The following ST6GALNAC3 variants were observed in gnomAD, a reference collection of about 807,000 sequenced individuals.
ST6GALNAC3 encodes ST6 N-acetylgalactosaminide alpha-2,6-sialyltransferase 3.
ST6GALNAC3 carries 25 observed loss-of-function variants against 32.7 expected under a neutral mutation model. That is an observed-to-expected ratio of 0.76 (90% CI 0.56 to 1.07). ST6GALNAC3 has a LOEUF of 1.07. ST6GALNAC3 is among the 50% of genes least tolerant of loss of function. The pLI, the probability that ST6GALNAC3 is intolerant of heterozygous loss-of-function variation, is 0.00. For synonymous variants in ST6GALNAC3, 129 were observed against 133.1 expected, an observed-to-expected ratio of 0.97 and a Z score of 0.21; for missense variants, 355 against 382.4, an observed-to-expected ratio of 0.93 and a Z score of 0.60.
intron 3 of ST6GALNAC3, among the ~76,000 whole-genome samples, chr1:76,492,407 G>A (rs887949120): frequency 6.6e-6 from 1 of 151,918 alleles, no homozygotes; most frequent in Non-Finnish European, 1.5e-5. Flanking sequence ...GAAAAATATA[G>A]GTATAGTAAA....
intron 3 of ST6GALNAC3, among the ~76,000 whole-genome samples, chr1:76,524,068 A>G (rs548322366): frequency 6.6e-6 from 1 of 152,252 alleles, no homozygotes; most frequent in Admixed American, 6.5e-5. Context: ...ACCTTTAAAC[A>G]GATGATTTTT....
chr1:76,395,029 T>C (rs1652841972), intron 2 of ST6GALNAC3, among the ~76,000 whole-genome samples: 1 of 152,250 alleles, frequency 6.6e-6, no homozygotes, highest in South Asian at 2.1e-4. Context: ...CTGGTTTGAC[T>C]TAAAGTCCTC....
rs972066513 is a variant in ST6GALNAC3 at position 76,158,909 on chromosome 1, G to A, written c.18+84025G>A. 2.0e-5 allele frequency among the ~76,000 whole-genome samples: 3 copies of A among 152,298 alleles called. No homozygotes were observed. In the East Asian group the frequency reaches 5.8e-4, roughly 29 times the overall value. On this transcript the variant is annotated intron_variant, in intron 1 of 4. Coordinates refer to ENST00000328299, the MANE Select transcript of ST6GALNAC3 (RefSeq NM_152996.4). ...GATGAGCAAATGGCCATGCTTTGGGGTTTGCCCAGGGTCACAAAGCTGGCA... is the reference window on the plus strand; with the variant it reads ...GATGAGCAAATGGCCATGCTTTGGGATTTGCCCAGGGTCACAAAGCTGGCA...
chr1:76,214,118 C>A (rs1348851068), intron 1 of ST6GALNAC3, among the ~76,000 whole-genome samples: 1 of 152,122 alleles, frequency 6.6e-6, no homozygotes, highest in Non-Finnish European at 1.5e-5. Flanking sequence ...TCCTCCCTAG[C>A]CGCACAGCCC....
chr1:76,480,827 AT>A (rs1475715745), intron 3 of ST6GALNAC3, among the ~76,000 whole-genome samples: 1 of 152,118 alleles, frequency 6.6e-6, no homozygotes, highest in Admixed American at 6.6e-5. Flanking sequence ...CACAATCAAA[AT>A]GCCATATATT....
At chr1:76,384,175 G>T (rs12040892) in intron 2 of ST6GALNAC3, among the ~76,000 whole-genome samples, 1 of 151,800 alleles carries the variant, frequency 6.6e-6, no homozygotes, top group East Asian at 1.9e-4. Context: ...GCACAGAAAG[G>T]TTAAAAATAA....
chr1:76,524,889 A>C (rs1662767423), intron 3 of ST6GALNAC3, among the ~76,000 whole-genome samples: 1 of 151,940 alleles, frequency 6.6e-6, no homozygotes, highest in Non-Finnish European at 1.5e-5. Context: ...ATATATAAAA[A>C]AATTTTGTGA....
intron 1 of ST6GALNAC3, among the ~76,000 whole-genome samples, chr1:76,261,418 G>A (rs1658227080): frequency 6.6e-6 from 1 of 152,100 alleles, no homozygotes; most frequent in African/African-American, 2.4e-5. Context: ...CCCATTTTGA[G>A]TGTTGGTGAT....
At chr1:76,398,136 A>G (rs975080587) in intron 2 of ST6GALNAC3, among the ~76,000 whole-genome samples, 1 of 149,180 alleles carries the variant, frequency 6.7e-6, no homozygotes, top group African/African-American at 2.4e-5. Flanking sequence ...CCATTATTCC[A>G]CGAGATGTTA....
chr1:76,441,553 A>G (rs1217980664), intron 3 of ST6GALNAC3, among the ~76,000 whole-genome samples: 1 of 152,172 alleles, frequency 6.6e-6, no homozygotes, highest in Non-Finnish European at 1.5e-5. Flanking sequence ...CAGGCATGCA[A>G]TGTAACGTAA....
chr1:76,298,550 C>T (rs573419235), intron 1 of ST6GALNAC3, among the ~76,000 whole-genome samples: 12 of 151,980 alleles, frequency 7.9e-5, no homozygotes, highest in African/African-American at 1.7e-4. Context: ...TTTCCCTGAA[C>T]GTCAGCATAA....
intron 1 of ST6GALNAC3, among the ~76,000 whole-genome samples, chr1:76,135,336 TGTAA>T (rs1305922122): frequency 1.3e-5 from 2 of 152,244 alleles, no homozygotes; most frequent in Admixed American, 6.5e-5. Flanking sequence ...TAACTTAGTA[TGTAA>T]GTATGTTCCA....
chr1:76,232,977 C>T (rs535766411), intron 1 of ST6GALNAC3, among the ~76,000 whole-genome samples: 1 of 152,134 alleles, frequency 6.6e-6, no homozygotes, highest in Non-Finnish European at 1.5e-5. Flanking sequence ...TGTACTTAAC[C>T]TCATCAAGTC....
intron 3 of ST6GALNAC3, among the ~76,000 whole-genome samples, chr1:76,518,693 A>C (rs934005433): frequency 6.6e-6 from 1 of 152,106 alleles, no homozygotes; most frequent in Non-Finnish European, 1.5e-5. Context: ...TGTTAAAATG[A>C]TCATCAACAT....
At chr1:76,370,208 T>G (rs1218989974) in intron 2 of ST6GALNAC3, among the ~76,000 whole-genome samples, 1 of 152,114 alleles carries the variant, frequency 6.6e-6, no homozygotes, top group East Asian at 1.9e-4. Context: ...GTGTTGCAAA[T>G]AAAAATTAGT....
intron 1 of ST6GALNAC3, among the ~76,000 whole-genome samples, chr1:76,295,066 T>C (rs1406852096): frequency 2.0e-5 from 3 of 150,716 alleles, no homozygotes; most frequent in Non-Finnish European, 3.0e-5. Context: ...AGAGCTCTGT[T>C]AAGCATTTTT....
At chr1:76,226,133 G>A (rs1656055897) in intron 1 of ST6GALNAC3, among the ~76,000 whole-genome samples, 1 of 152,294 alleles carries the variant, frequency 6.6e-6, no homozygotes, top group South Asian at 2.1e-4. Flanking sequence ...CACCCAGACT[G>A]TGGGTATAAA....
At chr1:76,366,264 T>C (rs1206143929) in intron 2 of ST6GALNAC3, among the ~76,000 whole-genome samples, 4 of 152,190 alleles carry the variant, frequency 2.6e-5, no homozygotes, top group Non-Finnish European at 5.9e-5. Flanking sequence ...TTCAAGCCTA[T>C]GATCTTCTTT....
At chr1:76,107,445 C>G (rs1201365030) in intron 1 of ST6GALNAC3, among the ~76,000 whole-genome samples, 3 of 152,122 alleles carry the variant, frequency 2.0e-5, no homozygotes, top group African/African-American at 2.4e-5. Context: ...AGACTCAAAC[C>G]CAGATTGGTC....
Sources: gnomAD v4.1 joint callset for allele counts (sites outside exome capture counted in the v4.1 genomes callset) on GRCh38, gnomAD v4.1.1 for gene constraint, MANE v1.5 for transcripts, NCBI Gene and HGNC (gene_info 2026-07-23, HGNC 2026-07-21) for gene names.